The following JCAD variants were observed in gnomAD, a reference collection of about 807,000 sequenced individuals.
The protein encoded by JCAD is junctional cadherin 5 associated.
JCAD carries 40 observed loss-of-function variants against 98.0 expected under a neutral mutation model. The ratio of observed to expected loss-of-function variants is 0.41; its 90% CI spans 0.32 to 0.53. The LOEUF (loss-of-function observed/expected upper bound fraction) is 0.53, where lower values mean the gene tolerates loss of function less well. JCAD is among the 20% of genes least tolerant of loss of function. The pLI is 0.31. For missense variants in JCAD, 1,705 were observed against 1,738.1 expected (o/e 0.98, Z 0.34); for synonymous variants, 691 against 682.3 (o/e 1.01, Z -0.20).
chr10:30,047,892 C>T (rs1208638186), intron 1 of JCAD, 21 bp from the exon 2 acceptor site: 1 of 1,444,590 alleles, frequency 6.9e-7, no homozygotes, highest in African/African-American at 1.4e-5. Context: ...ACAGAGAGCT[C>T]TATTTGTGAC....
intron 2 of JCAD, among the ~76,000 whole-genome samples, chr10:30,068,170 C>A (rs910186018): frequency 6.6e-6 from 1 of 152,026 alleles, no homozygotes; most frequent in Non-Finnish European, 1.5e-5. Flanking sequence ...AGGTGGATCA[C>A]CTGAGGTCAG....
At position 30,019,262 on chromosome 10, in the gene JCAD, C is replaced by A. The variant is rs148889363; in HGVS notation, c.4046-1345G>T. 2.6e-4 allele frequency among the ~76,000 whole-genome samples: 38 copies of A among 148,540 alleles called. No homozygotes were observed. In the East Asian group the frequency reaches 6.3e-3, roughly 25 times the overall value. ...ATCCCAGCTACTCGGGAGGCTGAGG[C>A]AAGAGAATCGCTTGAATCCAGGAGG... On this transcript the variant is annotated intron_variant, in intron 3 of 3. Coordinates refer to ENST00000375377, the MANE Select transcript of JCAD (RefSeq NM_020848.4).
chr10:30,070,565 A>G (rs962083248), intron 1 of JCAD, among the ~76,000 whole-genome samples: 5 of 152,200 alleles, frequency 3.3e-5, no homozygotes, highest in African/African-American at 9.7e-5. Flanking sequence ...TCTTCCATAT[A>G]GTTCTGGATG....
Position 30,017,385 on chromosome 10 carries a change from TATTG to T in JCAD, c.*494_*497del. ...AAATTGATTAGAAATGGATCATACC[TATTG>T]ATTCACATTTCCCCTAAACTGAAAG... On this transcript the variant is annotated 3_prime_UTR_variant, in exon 4 of 4. Coordinates refer to ENST00000375377, the MANE Select transcript of JCAD (RefSeq NM_020848.4). 5.7e-6 allele frequency: 1 copy of T among 175,478 alleles called. No individual in the cohort carries two copies. The highest frequency in any genetic ancestry group is 1.2e-5 in the Non-Finnish European group (1 of 84,234). 10.9% of individuals were successfully genotyped at this position (175,478 alleles called of 1,614,324 possible).
chr10:30,102,009 C>T (rs1838479451), intron 1 of JCAD, among the ~76,000 whole-genome samples: 1 of 152,064 alleles, frequency 6.6e-6, no homozygotes, highest in Non-Finnish European at 1.5e-5. Context: ...TCAGTGAGGG[C>T]CAGAGGGTAA....
At position 30,026,118 on chromosome 10, in the gene JCAD, C is replaced by T. The variant is rs781186535; in HGVS notation, c.4030G>A (p.Asp1344Asn). ...GATTCCTCACCTGGGCACCAGAAGT[C>T]TTGATCCATGCTCTTCTCCTTTTGT... ...AAQKEKSMDQ[D>N]FWCPDSYDPS... The change falls in exon 3 of 4, where the codon GAC becomes AAC. Residue 1344 changes from aspartate to asparagine, a missense_variant. By Grantham distance (23) the Asp-to-Asn change is conservative. Transcript: ENST00000375377. 6.2e-7 allele frequency: 1 copy of T among 1,614,202 alleles called. No individual in the cohort carries two copies. The highest frequency in any genetic ancestry group is 8.5e-7 in the Non-Finnish European group (1 of 1,180,036).
chr10:30,092,060 A>T (rs1387345026), intron 1 of JCAD, among the ~76,000 whole-genome samples: 1,285 of 18,342 alleles, frequency 0.07, 134 homozygotes, highest in African/African-American at 0.23. Context: ...AAAAAAAAAA[A>T]AAAAATATAT....
At chr10:30,066,997 C>CA (rs997939023) in intron 2 of JCAD, among the ~76,000 whole-genome samples, 1 of 151,436 alleles carries the variant, frequency 6.6e-6, no homozygotes, top group African/African-American at 2.4e-5. Context: ...ACCCTGTTTC[C>CA]AAAAAACTAA....
intron 2 of JCAD, among the ~76,000 whole-genome samples, chr10:30,065,865 T>C (rs1021898355): frequency 6.6e-6 from 1 of 152,160 alleles, no homozygotes; most frequent in Non-Finnish European, 1.5e-5. Flanking sequence ...ATGGACCACC[T>C]ACACCAGGAT....
At chr10:30,057,313 C>T (rs1208020990) in intron 1 of JCAD, among the ~76,000 whole-genome samples, 1 of 152,188 alleles carries the variant, frequency 6.6e-6, no homozygotes, top group African/African-American at 2.4e-5. Flanking sequence ...GTACTGATAA[C>T]ATTTCTAGGA....
chr10:30,058,359 G>A (rs1159189300), intron 1 of JCAD, among the ~76,000 whole-genome samples: 2 of 152,068 alleles, frequency 1.3e-5, no homozygotes, highest in East Asian at 3.9e-4. Flanking sequence ...GAGGCGGGTG[G>A]AGTGCGTGCG....
intron 1 of JCAD, among the ~76,000 whole-genome samples, chr10:30,086,756 T>G (rs1005275476): frequency 6.6e-6 from 1 of 152,236 alleles, no homozygotes; most frequent in African/African-American, 2.4e-5. Flanking sequence ...CTTTCCAATC[T>G]GATGCATGTG....
chr10:30,064,453 G>A (rs542597495), upstream of JCAD, among the ~76,000 whole-genome samples: 753 of 152,204 alleles, frequency 4.9e-3, 3 homozygotes, highest in South Asian at 0.017. Flanking sequence ...ACCCACCTGC[G>A]GGTATTCTGT....
At chr10:30,113,974 G>T (rs1340499650) in intron 1 of JCAD, among the ~76,000 whole-genome samples, 4 of 152,152 alleles carry the variant, frequency 2.6e-5, no homozygotes, top group Non-Finnish European at 4.4e-5. Context: ...CCTCGTAAAG[G>T]TTGGGTGCAT....
chr10:30,077,237 T>G (rs1837997432), intron 1 of JCAD, among the ~76,000 whole-genome samples: 1 of 152,122 alleles, frequency 6.6e-6, no homozygotes, highest in Non-Finnish European at 1.5e-5. Context: ...GGCAAGGAAT[T>G]GAGCAAATAG....
At chr10:30,047,017 G>A (rs1299295112) in intron 2 of JCAD, among the ~76,000 whole-genome samples, 2 of 152,100 alleles carry the variant, frequency 1.3e-5, no homozygotes, top group East Asian at 3.8e-4. Flanking sequence ...AGCCCAGGAG[G>A]TCAAGGCTGC....
chr10:30,073,643 G>A (rs1837931541), intron 1 of JCAD, among the ~76,000 whole-genome samples: 1 of 130,554 alleles, frequency 7.7e-6, no homozygotes, highest in Admixed American at 7.7e-5. Context: ...AGGATAGCAA[G>A]ATTGTCCTTC....
In JCAD at chr10:30,034,552, G is replaced by T. The variant is rs145533909; in HGVS notation, c.282-4686C>A. Among the ~76,000 whole-genome samples, 112 of 152,216 alleles carry T rather than the reference G, an allele frequency of 7.4e-4. 1 individual carries two copies. The highest frequency in any genetic ancestry group is 2.5e-3 in the African/African-American group (102 of 41,520). ...GCTGAGAAGACTGCTTCCTGGTCAGGTTCGACACAGATTAGTCATTTTGAA... is the reference window on the plus strand; with the variant it reads ...GCTGAGAAGACTGCTTCCTGGTCAGTTTCGACACAGATTAGTCATTTTGAA... On this transcript the variant is annotated intron_variant, in intron 2 of 3. Coordinates refer to ENST00000375377, the MANE Select transcript of JCAD (RefSeq NM_020848.4).
chr10:30,027,679 C>G lies in JCAD; in HGVS notation c.2469G>C (p.Pro823=). The change falls in exon 3 of 4, where the codon CCG becomes CCC. Residue 823 remains proline, a synonymous_variant. Transcript: ENST00000375377. ...TCAAATCCCAGGGACGACGGCTGAC[C>G]GGTTTCAGGAGAAACTGCCCAAAGA... ...KQLFGQFLLK[P]VSRRPWDLIS... is the part of the protein sequence containing the mutation. 6.2e-7 allele frequency: 1 copy of G among 1,614,252 alleles called. No homozygotes were observed. The highest frequency in any genetic ancestry group is 8.5e-7 in the Non-Finnish European group (1 of 1,180,042).
Sources: gnomAD v4.1 joint callset for allele counts (sites outside exome capture counted in the v4.1 genomes callset) on GRCh38, gnomAD v4.1.1 for gene constraint, MANE v1.5 for transcripts, NCBI Gene and HGNC (gene_info 2026-07-23, HGNC 2026-07-21) for gene names.